Variants in TRIB2 observed in about 807,000 individuals in gnomAD.
TRIB2 encodes tribbles pseudokinase 2.
A neutral mutation model predicts 26.8 loss-of-function variants in TRIB2; 2 were observed. The observed-to-expected ratio is 0.07, with a 90% CI of 0.03 to 0.24. The LOEUF (loss-of-function observed/expected upper bound fraction) is 0.24, where lower values mean the gene tolerates loss of function less well. Ranked by LOEUF, TRIB2 falls within the 10% of genes least tolerant of loss-of-function variation. The pLI is 1.00. For synonymous variants in TRIB2, 189 were observed against 187.3 expected (o/e 1.01, Z -0.08); for missense variants, 306 against 449.0 (o/e 0.68, Z 2.88).
At chr2:12,721,039 C>T (rs539198176) in intron 1 of TRIB2, among the ~76,000 whole-genome samples, 3 of 152,270 alleles carry the variant, frequency 2.0e-5, no homozygotes, top group South Asian at 2.1e-4. Flanking sequence ...TGGCACCAGG[C>T]TTGTGGCTTG....
intron 2 of TRIB2, among the ~76,000 whole-genome samples, chr2:12,727,671 T>G (rs1661365220): frequency 6.6e-6 from 1 of 152,044 alleles, no homozygotes; most frequent in South Asian, 2.1e-4. Flanking sequence ...GGGATGTTTG[T>G]GCAGGGCAGA....
intron 2 of TRIB2, among the ~76,000 whole-genome samples, chr2:12,727,513 A>G (rs2103253272): frequency 6.6e-6 from 1 of 152,264 alleles, no homozygotes; most frequent in African/African-American, 2.4e-5. Flanking sequence ...CTGGTCTGGA[A>G]CCTGAGGCTC....
intron 2 of TRIB2, among the ~76,000 whole-genome samples, chr2:12,736,244 T>G (rs1188464808): frequency 1.3e-5 from 2 of 151,346 alleles, no homozygotes; most frequent in African/African-American, 4.9e-5. Flanking sequence ...ACAATCCGGG[T>G]GGGGAGACAC....
In TRIB2 at chr2:12,717,316, C is replaced by A; in HGVS notation, c.-992C>A. 1 of 398,516 alleles carries A rather than the reference C, an allele frequency of 2.5e-6. No individual in the cohort carries two copies. Among genetic ancestry groups the A allele is most frequent in the East Asian group, 3.6e-5 (1 of 28,060 alleles). 24.7% of individuals were successfully genotyped at this position (398,516 alleles called of 1,614,324 possible). ...CGCCGCGCGTTGGAAGGGCCAGGGA[C>A]GCAGCTCCCCTTGCAGCGCCCGCAG... On this transcript the variant is annotated 5_prime_UTR_variant, in exon 1 of 3. Transcript: ENST00000155926. The surrounding 1 kb of genome is among the most constrained non-coding windows in gnomAD (Gnocchi z 4.8).
rs1661262488 is a variant in TRIB2, at chr2:12,723,164, T to C, written c.271-96T>C. 7.3e-6 allele frequency: 10 copies of C among 1,371,664 alleles called. No homozygotes were observed. The South Asian group carries it at 1.4e-4, about 19-fold the overall frequency. 85.0% of individuals were successfully genotyped at this position (1,371,664 alleles called of 1,614,324 possible). A position where few individuals can be genotyped will look rare whatever the true frequency, so the allele number is the denominator to read the frequency against. ...TCCAAGTTCAGCATATTTTCTGTCATCTCAAAAGCCCATACCTGTGGGAGG... is the reference window on the plus strand; with the variant it reads ...TCCAAGTTCAGCATATTTTCTGTCACCTCAAAAGCCCATACCTGTGGGAGG... On this transcript the variant is annotated intron_variant, in intron 1 of 2. Transcript: ENST00000155926.
In TRIB2 at chr2:12,740,374, AGAT is replaced by A; in HGVS notation, c.619_621del (p.Asp207del). Reference sequence around the variant, plus strand: ...TGGAAGACGCCTACATTCTGCGGGGAGATGATGATTCCCTCTCCGACAAGCATG... The same window carrying A: ...TGGAAGACGCCTACATTCTGCGGGGAGATGATTCCCTCTCCGACAAGCATG... On this transcript the variant is annotated inframe_deletion, in exon 3 of 3. Transcript: ENST00000155926. The surrounding 1 kb of genome is among the most constrained non-coding windows in gnomAD (Gnocchi z 5.8). 1 of 1,613,972 alleles carries A rather than the reference AGAT, an allele frequency of 6.2e-7. No homozygotes were observed. The highest frequency in any genetic ancestry group is 8.5e-7 in the Non-Finnish European group (1 of 1,179,996).
intron 1 of TRIB2, among the ~76,000 whole-genome samples, chr2:12,721,164 A>G (rs1379941243): frequency 2.6e-5 from 4 of 152,126 alleles, no homozygotes; most frequent in Non-Finnish European, 5.9e-5. Context: ...TACTTATTTT[A>G]TTTTTCATAC....
At position 12,740,869 on chromosome 2, in the gene TRIB2, C is replaced by A; in HGVS notation, c.*75C>A. 1 of 1,363,816 alleles carries A rather than the reference C, an allele frequency of 7.3e-7. No individual in the cohort carries two copies. Among genetic ancestry groups the A allele is most frequent in the Non-Finnish European group, 1.0e-6 (1 of 987,622 alleles). 84.5% of individuals were successfully genotyped at this position (1,363,816 alleles called of 1,614,324 possible). ...CGGAAAGGAGTTCTTCCGGGGGACA[C>A]GAATTGCCTGGCTGAGTAGCAAGAA... On this transcript the variant is annotated 3_prime_UTR_variant, in exon 3 of 3. Transcript: ENST00000155926. This position sits in a 1 kb window ranked among gnomAD's most constrained non-coding sequence, Gnocchi z 5.8.
chr2:12,722,460 C>T (rs897366800), intron 1 of TRIB2, among the ~76,000 whole-genome samples: 5 of 152,228 alleles, frequency 3.3e-5, no homozygotes, highest in Non-Finnish European at 5.9e-5. Context: ...CAAAAATTCT[C>T]TGTAGTGTTA....
Position 12,718,709 on chromosome 2 carries a change from T to G in TRIB2, c.270+132T>G. 1 of 1,278,914 alleles carries G rather than the reference T, an allele frequency of 7.8e-7. No homozygotes were observed. The highest frequency in any genetic ancestry group is 1.1e-6 in the Non-Finnish European group (1 of 946,398). 79.2% of individuals were successfully genotyped at this position (1,278,914 alleles called of 1,614,324 possible). The stretch of plus-strand genomic sequence containing the variant: ...GGCCTTATTAAATGGGTTTATTTAT[T>G]TATTTGCTCAGGTTCGGTAAGTTGC... On this transcript the variant is annotated intron_variant, in intron 1 of 2. Transcript: ENST00000155926. The surrounding 1 kb of genome is among the most constrained non-coding windows in gnomAD (Gnocchi z 4.0).
intron 2 of TRIB2, among the ~76,000 whole-genome samples, chr2:12,733,165 C>T (rs1661492698): frequency 6.6e-6 from 1 of 152,232 alleles, no homozygotes; most frequent in South Asian, 2.1e-4. Context: ...AGCTCTGTCA[C>T]TGGCTTGCGA....
intron 2 of TRIB2, chr2:12,724,937 A>T: frequency 7.0e-7 from 1 of 1,426,508 alleles, no homozygotes; most frequent in East Asian, 2.4e-5. Context: ...TGCACCTACA[A>T]AAATAAGAGG....
rs1280661464 is a variant in TRIB2, at chr2:12,741,282, A to T, written c.*488A>T. 6.4e-6 allele frequency: 1 copy of T among 157,300 alleles called. No individual in the cohort carries two copies. Among genetic ancestry groups the T allele is most frequent in the Non-Finnish European group, 1.4e-5 (1 of 70,896 alleles). The allele number at this position is 157,300 out of a possible 1,614,324, so 9.7% of individuals were successfully genotyped here. A position where few individuals can be genotyped will look rare whatever the true frequency, so the allele number is the denominator to read the frequency against. On this transcript the variant is annotated 3_prime_UTR_variant, in exon 3 of 3. Transcript: ENST00000155926. Reference sequence around the variant, plus strand: ...TTAATGAGGTTCACTTAAAAAAAAAATTCGGTGCACACAGACTGACATGAA... The same window carrying T: ...TTAATGAGGTTCACTTAAAAAAAAATTTCGGTGCACACAGACTGACATGAA...
At chr2:12,736,024 G>A (rs1005657167) in intron 2 of TRIB2, among the ~76,000 whole-genome samples, 3 of 152,170 alleles carry the variant, frequency 2.0e-5, no homozygotes, top group African/African-American at 7.2e-5. Context: ...GAAGGCCAGG[G>A]TTAGTGGACA....
chr2:12,720,019 A>G (rs1306846751), intron 1 of TRIB2, among the ~76,000 whole-genome samples: 2 of 152,240 alleles, frequency 1.3e-5, no homozygotes, highest in Non-Finnish European at 2.9e-5. Context: ...CTTGTATGAA[A>G]TATGCACAAT....
At position 12,718,605 on chromosome 2, in the gene TRIB2, C is replaced by A. The variant is rs1170433108; in HGVS notation, c.270+28C>A. The A allele has an allele frequency of 1.2e-6, 2 of 1,601,418 alleles. No individual in the cohort carries two copies. Among genetic ancestry groups the A allele is most frequent in the Non-Finnish European group, 1.7e-6 (2 of 1,170,098 alleles). ...AAAGGGCCAGTGGGTTGCTTTTTGT[C>A]TTTGGAAGGGGCCCGAGGGAGCGGG... On this transcript the variant is annotated intron_variant, in intron 1 of 2. Coordinates refer to ENST00000155926, the MANE Select transcript of TRIB2 (RefSeq NM_021643.4). The surrounding 1 kb of genome is among the most constrained non-coding windows in gnomAD (Gnocchi z 4.0).
At chr2:12,719,576 G>GGT (rs377445193) in intron 1 of TRIB2, among the ~76,000 whole-genome samples, 1 of 138,390 alleles carries the variant, frequency 7.2e-6, no homozygotes, top group Non-Finnish European at 1.5e-5. Context: ...TTTGCTGACT[G>GGT]TTTTTTTTTT....
Position 12,717,125 on chromosome 2 carries a change from T to C in TRIB2, c.-1183T>C, listed in dbSNP as rs1666608260. On this transcript the variant is annotated 5_prime_UTR_variant, in exon 1 of 3. Transcript: ENST00000155926. This position sits in a 1 kb window ranked among gnomAD's most constrained non-coding sequence, Gnocchi z 4.8. ...TTTTTAAATACACGGTCCCCTCTTTTCTCTGGGGGGGGCAAGCAAGAAATC... is the reference window on the plus strand; with the variant it reads ...TTTTTAAATACACGGTCCCCTCTTTCCTCTGGGGGGGGCAAGCAAGAAATC... 1 of 364,408 alleles carries C rather than the reference T, an allele frequency of 2.7e-6. No homozygotes were observed. The highest frequency in any genetic ancestry group is 4.9e-6 in the Non-Finnish European group (1 of 205,678). 22.6% of individuals were successfully genotyped at this position (364,408 alleles called of 1,614,324 possible). A position where few individuals can be genotyped will look rare whatever the true frequency, so the allele number is the denominator to read the frequency against.
rs189518756 is a variant in TRIB2 at position 12,718,154 on chromosome 2, C to A, written c.-154C>A. ...GTATCCGGCGGCGCCCATTTGGGGG[C>A]TTCTAACTCTTTCTCCACGCAGCCC... On this transcript the variant is annotated 5_prime_UTR_variant, in exon 1 of 3. Coordinates refer to ENST00000155926, the MANE Select transcript of TRIB2 (RefSeq NM_021643.4). This position sits in a 1 kb window ranked among gnomAD's most constrained non-coding sequence, Gnocchi z 4.0. 6.4e-4 allele frequency: 701 copies of A among 1,096,688 alleles called. 2 individuals are homozygous for A. The African/African-American group carries it at 9.7e-3, about 15-fold the overall frequency. 67.9% of individuals were successfully genotyped at this position (1,096,688 alleles called of 1,614,324 possible).
Sources: allele counts gnomAD v4.1 joint callset (sites outside exome capture counted in the v4.1 genomes callset), GRCh38; gene constraint gnomAD v4.1.1; non-coding constraint Gnocchi (gnomAD v3.1); transcripts MANE v1.5; gene names NCBI Gene and HGNC (gene_info 2026-07-23, HGNC 2026-07-21).